PPM1L: variants seen among roughly 807,000 people sequenced by gnomAD.
PPM1L encodes protein phosphatase 1L.
In PPM1L, 13 loss-of-function variants were observed where a neutral mutation model predicts 31.4. That is an observed-to-expected ratio of 0.41 (90% confidence interval 0.27 to 0.66). PPM1L has a LOEUF of 0.66. Among genes scored for constraint, PPM1L ranks in the 30% least tolerant of loss-of-function variants. The probability of loss-of-function intolerance (pLI) is 0.29; values close to 1 mark genes in which losing one functional copy is unlikely to be tolerated. For missense variants in PPM1L, 326 were observed against 453.7 expected (o/e 0.72, Z 2.56); for synonymous variants, 184 against 175.4 (o/e 1.05, Z -0.39).
intron 1 of PPM1L, among the ~76,000 whole-genome samples, chr3:160,848,605 G>C (rs1274455170): frequency 6.6e-6 from 1 of 152,076 alleles, no homozygotes; most frequent in Non-Finnish European, 1.5e-5. Flanking sequence ...CCTTGCACTG[G>C]GGCATCTCCC....
rs1381876527 is a variant in PPM1L at position 160,758,362 on chromosome 3, G to C, written c.399+1655G>C. On this transcript the variant is annotated intron_variant, in intron 1 of 3. Transcript: ENST00000498165. ...TTTTGTGCCTAAATTCAATGAGGGT[G>C]AAGGAAGCTGTGATTCCTTCCTTTG... Among the ~76,000 whole-genome samples, 10 of 152,268 alleles carry C rather than the reference G, an allele frequency of 6.6e-5. No individual in the cohort carries two copies. The South Asian group carries it at 1.5e-3, about 22-fold the overall frequency.
At chr3:160,786,834 T>C (rs1011698945) in intron 1 of PPM1L, among the ~76,000 whole-genome samples, 3 of 152,178 alleles carry the variant, frequency 2.0e-5, no homozygotes, top group African/African-American at 7.2e-5. Flanking sequence ...TACTTATAAG[T>C]AAGAACATGC....
intron 2 of PPM1L, among the ~76,000 whole-genome samples, chr3:161,024,273 A>AC (rs1376599522): frequency 6.6e-6 from 1 of 152,052 alleles, no homozygotes; most frequent in East Asian, 1.9e-4. Context: ...TCAAAAAAAA[A>AC]AAAAAAAAAG....
At chr3:160,781,294 A>G (rs940094486) in intron 1 of PPM1L, among the ~76,000 whole-genome samples, 5 of 152,204 alleles carry the variant, frequency 3.3e-5, no homozygotes, top group Non-Finnish European at 2.9e-5. Context: ...GCCTTATTAT[A>G]TGCTTTTATT....
chr3:160,940,723 G>A (rs949103065), intron 1 of PPM1L, among the ~76,000 whole-genome samples: 20 of 152,218 alleles, frequency 1.3e-4, no homozygotes, highest in South Asian at 4.1e-4. Flanking sequence ...TGCTGCAGGC[G>A]TGGGGCCCTC....
At chr3:160,931,740 GGTTA>G (rs1714794691) in intron 1 of PPM1L, among the ~76,000 whole-genome samples, 1 of 152,160 alleles carries the variant, frequency 6.6e-6, no homozygotes, top group Non-Finnish European at 1.5e-5. Flanking sequence ...AATATCCTTA[GGTTA>G]GGATGTAGTA....
intron 2 of PPM1L, among the ~76,000 whole-genome samples, chr3:161,023,901 C>T (rs1219830641): frequency 1.3e-5 from 2 of 152,182 alleles, no homozygotes; most frequent in Non-Finnish European, 2.9e-5. Context: ...TGCACATGCA[C>T]ACAGTCTTAC....
rs946132627 is a variant in PPM1L at position 161,076,895 on chromosome 3, CAG to C, written c.*7740_*7741del. 6.6e-6 allele frequency: 1 copy of C among 152,180 alleles called. No homozygotes were observed. The highest frequency in any genetic ancestry group is 2.4e-5 in the African/African-American group (1 of 41,446). The allele number at this position is 152,180 out of a possible 1,614,324, so 9.4% of individuals were successfully genotyped here. ...AATAGAAGCATCATTGCATTTATAACAGATTGATCAATCTTATGAACAGATTA... is the reference window on the plus strand; with the variant it reads ...AATAGAAGCATCATTGCATTTATAACATTGATCAATCTTATGAACAGATTA... On this transcript the variant is annotated 3_prime_UTR_variant, in exon 4 of 4. Transcript: ENST00000498165.
intron 1 of PPM1L, among the ~76,000 whole-genome samples, chr3:160,924,138 G>A (rs973843420): frequency 1.3e-5 from 2 of 152,088 alleles, no homozygotes; most frequent in Non-Finnish European, 2.9e-5. Context: ...AAGAGGGTGC[G>A]ATTTGGTGTT....
chr3:160,978,317 A>C (rs542902893), intron 2 of PPM1L, among the ~76,000 whole-genome samples: 1 of 152,290 alleles, frequency 6.6e-6, no homozygotes, highest in South Asian at 2.1e-4. Context: ...GCATCAGGGA[A>C]TCTCCAGGGG....
intron 1 of PPM1L, among the ~76,000 whole-genome samples, chr3:160,822,955 T>G (rs946139338): frequency 6.6e-6 from 1 of 151,604 alleles, no homozygotes; most frequent in Non-Finnish European, 1.5e-5. Context: ...GGGGAAAACA[T>G]ATAAACAAAA....
chr3:160,812,125 A>T (rs1712831087), intron 1 of PPM1L, among the ~76,000 whole-genome samples: 1 of 152,160 alleles, frequency 6.6e-6, no homozygotes, highest in African/African-American at 2.4e-5. Flanking sequence ...CTGCCTAAAG[A>T]TGTTCATGTC....
At chr3:161,030,919 G>A (rs964873376) in intron 2 of PPM1L, among the ~76,000 whole-genome samples, 4 of 152,200 alleles carry the variant, frequency 2.6e-5, no homozygotes, top group African/African-American at 9.6e-5. Flanking sequence ...GGAATGGGAT[G>A]TCAGAGAAGA....
chr3:160,922,106 C>T (rs13320968), intron 1 of PPM1L, among the ~76,000 whole-genome samples: 2 of 152,038 alleles, frequency 1.3e-5, no homozygotes, highest in Non-Finnish European at 1.5e-5. Flanking sequence ...GTCAGGAGAT[C>T]AAGACCATCC....
intron 1 of PPM1L, among the ~76,000 whole-genome samples, chr3:160,914,685 A>G (rs1480606361): frequency 6.6e-6 from 1 of 152,026 alleles, no homozygotes; most frequent in Non-Finnish European, 1.5e-5. Flanking sequence ...GATCCAGTCT[A>G]TCATTGTTGG....
chr3:160,851,674 G>C (rs911778172), intron 1 of PPM1L, among the ~76,000 whole-genome samples: 3 of 152,140 alleles, frequency 2.0e-5, no homozygotes, highest in African/African-American at 7.2e-5. Flanking sequence ...ACTTTTTACC[G>C]AGAGTATGCC....
intron 1 of PPM1L, among the ~76,000 whole-genome samples, chr3:160,760,499 ACT>A (rs1429538915): frequency 6.6e-6 from 1 of 152,068 alleles, no homozygotes; most frequent in East Asian, 1.9e-4. Context: ...TAACCATGAT[ACT>A]GTGTGTGGAT....
At chr3:160,763,817 G>A (rs1201126034) in intron 1 of PPM1L, among the ~76,000 whole-genome samples, 1 of 152,158 alleles carries the variant, frequency 6.6e-6, no homozygotes, top group Non-Finnish European at 1.5e-5. Flanking sequence ...AAACTCAGGA[G>A]CGTGGGCCAT....
At chr3:160,844,896 C>T (rs1263067662) in intron 1 of PPM1L, among the ~76,000 whole-genome samples, 4 of 152,006 alleles carry the variant, frequency 2.6e-5, no homozygotes, top group Admixed American at 6.6e-5. Flanking sequence ...CAATTATGCT[C>T]TATTTCTCCC....
Sources: gnomAD v4.1 joint callset for allele counts (sites outside exome capture counted in the v4.1 genomes callset) on GRCh38, gnomAD v4.1.1 for gene constraint, MANE v1.5 for transcripts, NCBI Gene and HGNC (gene_info 2026-07-23, HGNC 2026-07-21) for gene names.